CA10: variants seen among roughly 807,000 people sequenced by gnomAD.
The protein encoded by CA10 is carbonic anhydrase-related protein 10.
A neutral mutation model predicts 44.2 loss-of-function variants in CA10; 14 were observed. The observed-to-expected ratio is 0.32, with a 90% CI of 0.21 to 0.50. CA10 has a LOEUF of 0.50. CA10 is among the 20% of genes least tolerant of loss of function. The pLI is 0.99. For missense variants in CA10, 350 were observed against 409.7 expected, an observed-to-expected ratio of 0.85 and a Z score of 1.26; for synonymous variants, 159 against 141.6, an observed-to-expected ratio of 1.12 and a Z score of -0.87.
At chr17:51,641,129 CTT>C (rs1210650585) in intron 6 of CA10, among the ~76,000 whole-genome samples, 24 of 97,784 alleles carry the variant, frequency 2.5e-4, no homozygotes, top group Admixed American at 2.1e-3. Flanking sequence ...CCTATCCCCT[CTT>C]TCTCTCTCTC....
rs74618964 is a variant in CA10 at position 51,810,333 on chromosome 17, A to G, written c.280-62515T>C. Among the ~76,000 whole-genome samples, 860 of 152,312 alleles carry G rather than the reference A, an allele frequency of 5.6e-3. 9 individuals are homozygous for G. The highest frequency in any genetic ancestry group is 0.02 in the African/African-American group (814 of 41,570). On this transcript the variant is annotated intron_variant, in intron 3 of 8. Coordinates refer to ENST00000451037, the MANE Select transcript of CA10 (RefSeq NM_020178.5). ...ACATTCACTAAATATTTATTGAGTT[A>G]ATTAAGTGATTTTTTTGGAGCACCA...
intron 3 of CA10, among the ~76,000 whole-genome samples, chr17:51,814,350 A>G (rs1907485892): frequency 1.3e-5 from 2 of 152,110 alleles, no homozygotes; most frequent in Admixed American, 1.3e-4. Context: ...CTCCAGTGGG[A>G]GTGTGAAGAA....
chr17:52,109,338 C>T (rs948558969), intron 1 of CA10, among the ~76,000 whole-genome samples: 3 of 152,046 alleles, frequency 2.0e-5, no homozygotes, highest in African/African-American at 7.3e-5. Flanking sequence ...TCTTCTTTTC[C>T]GAAGGGACAA....
Position 51,640,681 on chromosome 17 carries a change from AAAG to A in CA10, c.635-4675_635-4673del, listed in dbSNP as rs557027436. Among the ~76,000 whole-genome samples the A allele has an allele frequency of 1.2e-3, 189 of 152,328 alleles. 3 individuals carry two copies. The highest frequency in any genetic ancestry group is 0.01 in the Middle Eastern group (3 of 294). On this transcript the variant is annotated intron_variant, in intron 6 of 8. Transcript: ENST00000451037. ...AGGACAGAAGCAGAGGGACCCAAGA[AAAG>A]AACATGAGTAAAACAGAAGTTTTCA...
intron 1 of CA10, among the ~76,000 whole-genome samples, chr17:52,100,146 T>G (rs1988503889): frequency 6.6e-6 from 1 of 152,088 alleles, no homozygotes; most frequent in African/African-American, 2.4e-5. Flanking sequence ...TGTATAATAA[T>G]GGAAATGGAC....
At chr17:52,064,381 T>C (rs1987475826) in intron 2 of CA10, among the ~76,000 whole-genome samples, 1 of 152,148 alleles carries the variant, frequency 6.6e-6, no homozygotes, top group Admixed American at 6.5e-5. Flanking sequence ...ATGGTAATTC[T>C]TAAGTAGCAA....
chr17:51,922,647 T>C (rs1345845983), intron 3 of CA10, among the ~76,000 whole-genome samples: 1 of 152,138 alleles, frequency 6.6e-6, no homozygotes, highest in African/African-American at 2.4e-5. Context: ...CCAGTTCCTT[T>C]TTCGGTACTA....
intron 3 of CA10, among the ~76,000 whole-genome samples, chr17:51,869,503 T>G (rs1979709565): frequency 6.6e-6 from 1 of 152,172 alleles, no homozygotes; most frequent in South Asian, 2.1e-4. Context: ...AGCAGTAAAC[T>G]TAACAGGAGT....
chr17:52,057,179 G>A (rs1474113382), intron 2 of CA10, among the ~76,000 whole-genome samples: 2 of 152,030 alleles, frequency 1.3e-5, no homozygotes, highest in South Asian at 2.1e-4. Context: ...TGAACAACAT[G>A]GGGTGTGAGC....
chr17:51,746,446 G>A (rs1487559728), intron 4 of CA10, among the ~76,000 whole-genome samples: 1 of 152,176 alleles, frequency 6.6e-6, no homozygotes, highest in Non-Finnish European at 1.5e-5. Flanking sequence ...CAAAGCTGAT[G>A]GTCTTAAAAT....
At chr17:52,104,212 GAC>G (rs1490330380) in intron 1 of CA10, among the ~76,000 whole-genome samples, 1 of 147,448 alleles carries the variant, frequency 6.8e-6, no homozygotes, top group East Asian at 2.0e-4. Context: ...TCTTCTCTGA[GAC>G]AGTGTCTGGT....
intron 3 of CA10, among the ~76,000 whole-genome samples, chr17:51,848,205 C>T (rs149840390): frequency 1.3e-4 from 20 of 152,330 alleles, no homozygotes; most frequent in Middle Eastern, 3.4e-3. Context: ...TTGGTTGATG[C>T]ATCTCATTGA....
At chr17:52,042,819 C>T (rs1403995217) in intron 2 of CA10, among the ~76,000 whole-genome samples, 2 of 151,970 alleles carry the variant, frequency 1.3e-5, no homozygotes, top group East Asian at 3.9e-4. Flanking sequence ...CATGTGAATA[C>T]CTATTTTTCC....
intron 4 of CA10, among the ~76,000 whole-genome samples, chr17:51,686,927 A>G (rs1295974114): frequency 6.6e-6 from 1 of 152,152 alleles, no homozygotes; most frequent in Non-Finnish European, 1.5e-5. Context: ...TTCTACCATC[A>G]AGTCCAACCT....
intron 2 of CA10, among the ~76,000 whole-genome samples, chr17:52,013,874 C>T (rs914922169): frequency 6.6e-6 from 1 of 151,816 alleles, no homozygotes; most frequent in African/African-American, 2.4e-5. Context: ...CATAGTTTCC[C>T]CATTCATGGA....
intron 2 of CA10, among the ~76,000 whole-genome samples, chr17:52,058,030 G>A (rs1987277969): frequency 6.6e-6 from 1 of 152,116 alleles, no homozygotes; most frequent in African/African-American, 2.4e-5. Context: ...CTATCCAACA[G>A]GAGTACTTCA....
chr17:52,027,194 C>T (rs921910673), intron 2 of CA10, among the ~76,000 whole-genome samples: 9 of 152,004 alleles, frequency 5.9e-5, no homozygotes, highest in African/African-American at 1.7e-4. Context: ...GTTTGACCTC[C>T]TGTGAGAATC....
intron 2 of CA10, among the ~76,000 whole-genome samples, chr17:51,973,938 T>G (rs1984368401): frequency 6.6e-6 from 1 of 152,080 alleles, no homozygotes; most frequent in South Asian, 2.1e-4. Flanking sequence ...ATAAAGATTA[T>G]AAAAGTAGCT....
At chr17:51,891,201 G>A (rs1980841056) in intron 3 of CA10, among the ~76,000 whole-genome samples, 1 of 152,148 alleles carries the variant, frequency 6.6e-6, no homozygotes, top group Non-Finnish European at 1.5e-5. Flanking sequence ...GGTGCCATGT[G>A]GGGACTGAGG....
Sources: allele counts gnomAD v4.1 joint callset (sites outside exome capture counted in the v4.1 genomes callset), GRCh38; gene constraint gnomAD v4.1.1; transcripts MANE v1.5; gene names NCBI Gene and HGNC (gene_info 2026-07-23, HGNC 2026-07-21).